POLR3F: variants seen among roughly 807,000 people sequenced by gnomAD.
POLR3F encodes the protein DNA-directed RNA polymerase III subunit RPC6.
POLR3F carries 31 observed loss-of-function variants against 43.6 expected under a neutral mutation model. The observed-to-expected ratio is 0.71, with a 90% CI of 0.53 to 0.96. The LOEUF (loss-of-function observed/expected upper bound fraction) is 0.96. Ranked by LOEUF, POLR3F falls within the 40% of genes least tolerant of loss-of-function variation. The probability of loss-of-function intolerance (pLI) is 0.00; values close to 1 mark genes in which losing one functional copy is unlikely to be tolerated. For missense variants in POLR3F, 316 were observed against 391.7 expected (o/e 0.81, Z 1.63); for synonymous variants, 114 against 132.5 (o/e 0.86, Z 0.96).
chr20:18,479,405 G>T (rs6035055), intron 5 of POLR3F, among the ~76,000 whole-genome samples: 72 of 152,238 alleles, frequency 4.7e-4, no homozygotes, highest in Admixed American at 7.2e-4. Flanking sequence ...TGAGGCAGGA[G>T]AATCACTTGA....
At chr20:18,480,329 G>A in intron 6 of POLR3F, 73 bp from the exon 7 acceptor site, 1 of 1,260,792 alleles carries the variant, frequency 7.9e-7, no homozygotes, top group East Asian at 2.4e-5. Flanking sequence ...TTGTTGGTTT[G>A]ACTCAGTATA....
At chr20:18,477,300 C>A (rs1025214890) in intron 5 of POLR3F, among the ~76,000 whole-genome samples, 1 of 152,076 alleles carries the variant, frequency 6.6e-6, no homozygotes, top group African/African-American at 2.4e-5. Context: ...ATTGGTAATA[C>A]CATATGCTGA....
rs552883916 is a variant in POLR3F at position 18,478,903 on chromosome 20, G to A, written c.430-1135G>A. Among the ~76,000 whole-genome samples the A allele has an allele frequency of 7.2e-5, 11 of 152,190 alleles. No individual in the cohort carries two copies. The East Asian group carries it at 1.9e-3, about 27-fold the overall frequency. On this transcript the variant is annotated intron_variant, in intron 5 of 8. Coordinates refer to ENST00000377603, the MANE Select transcript of POLR3F (RefSeq NM_006466.4). Reference sequence around the variant, plus strand: ...CATGCCTGTAATCCCAGCACTTTGGGAGGCCAAGGAGGGTGGATCACCTGA... The same window carrying A: ...CATGCCTGTAATCCCAGCACTTTGGAAGGCCAAGGAGGGTGGATCACCTGA...
At chr20:18,482,702 C>T (rs776688772) in intron 8 of POLR3F, among the ~76,000 whole-genome samples, 43 of 152,232 alleles carry the variant, frequency 2.8e-4, no homozygotes, top group Admixed American at 7.2e-4. Context: ...GCAAGAGACA[C>T]TGTCCCAGTC....
In POLR3F at chr20:18,483,479, A is replaced by T; in HGVS notation, c.874-2A>T. ...AATATAATTTTTTTTTCTTTTTTAA[A>T]GGTTTTTGATGACTGCCACGAAGGT... On this transcript the variant is annotated splice_acceptor_variant, in intron 8 of 8. Transcript: ENST00000377603. LOFTEE classifies it high-confidence loss of function. 7.0e-7 allele frequency: 1 copy of T among 1,424,772 alleles called. No individual in the cohort carries two copies. Among genetic ancestry groups the T allele is most frequent in the Non-Finnish European group, 9.7e-7 (1 of 1,031,784 alleles). The allele number at this position is 1,424,772 out of a possible 1,614,324, so 88.3% of individuals were successfully genotyped here.
intron 7 of POLR3F, among the ~76,000 whole-genome samples, chr20:18,481,248 T>C (rs1186770154): frequency 1.3e-5 from 2 of 152,134 alleles, no homozygotes; most frequent in South Asian, 2.1e-4. Flanking sequence ...TACTGTTTTA[T>C]TTATTTATTT....
intron 5 of POLR3F, 124 bp from the exon 6 acceptor site, chr20:18,479,914 T>C (rs2148866841): frequency 1.6e-6 from 1 of 640,270 alleles, no homozygotes; most frequent in Non-Finnish European, 2.7e-6. Context: ...ATGATGTATA[T>C]AGGAGCTCTG....
rs533668297 is a variant in POLR3F at position 18,479,170 on chromosome 20, C to T, written c.430-868C>T. ...TCAAAAAAAAAAAGAAAAGAAAATG[C>T]TCTTGACATCTTGTAGTGCTAGAAA... On this transcript the variant is annotated intron_variant, in intron 5 of 8. Coordinates refer to ENST00000377603, the MANE Select transcript of POLR3F (RefSeq NM_006466.4). 1.8e-3 allele frequency among the ~76,000 whole-genome samples: 269 copies of T among 151,406 alleles called. 2 individuals are homozygous for T. Among genetic ancestry groups the T allele is most frequent in the African/African-American group, 6.3e-3 (261 of 41,294 alleles).
chr20:18,467,710 C>G, intron 1 of POLR3F, 142 bp downstream of exon 1: 3 of 1,486,660 alleles, frequency 2.0e-6, no homozygotes, highest in Non-Finnish European at 2.7e-6. Context: ...GTTCTGGACC[C>G]ACTTGTTCCT....
At chr20:18,481,932 C>A (rs2059812526) in intron 8 of POLR3F, 122 bp downstream of exon 8, 2 of 615,264 alleles carry the variant, frequency 3.3e-6, no homozygotes. Context: ...GCTATTCAAA[C>A]CTCCATGAAA....
chr20:18,479,952 A>G (rs2059801246), intron 5 of POLR3F, 86 bp from the exon 6 acceptor site: 1 of 941,842 alleles, frequency 1.1e-6, no homozygotes, highest in Admixed American at 2.6e-5. Flanking sequence ...AATTTTGTAC[A>G]TCTTAAACTG....
At chr20:18,479,532 C>T (rs1245352837) in intron 5 of POLR3F, among the ~76,000 whole-genome samples, 2 of 152,024 alleles carry the variant, frequency 1.3e-5, no homozygotes, top group East Asian at 1.9e-4. Context: ...CACACACACA[C>T]GATGGGAGCA....
Position 18,483,698 on chromosome 20 carries a change from T to C in POLR3F, c.*140T>C. The C allele has an allele frequency of 2.4e-6, 1 of 413,516 alleles. No homozygotes were observed. Among genetic ancestry groups the C allele is most frequent in the Non-Finnish European group, 4.2e-6 (1 of 236,006 alleles). 25.6% of individuals were successfully genotyped at this position (413,516 alleles called of 1,614,324 possible). On this transcript the variant is annotated 3_prime_UTR_variant, in exon 9 of 9. Transcript: ENST00000377603. ...GTAGACTTGCTGCTATGAAAACATA[T>C]TTTTTTTATTTATGAAGACTAAATT... is the stretch of plus-strand genomic sequence containing the variant.
chr20:18,480,000 A>G, intron 5 of POLR3F, 38 bp from the exon 6 acceptor site: 2 of 1,511,370 alleles, frequency 1.3e-6, no homozygotes, highest in Non-Finnish European at 1.8e-6. Flanking sequence ...GGAAATTGTT[A>G]TCTTATAAAC....
rs1275573384 is a variant in POLR3F, at chr20:18,480,021, T to C, written c.430-17T>C. Reference sequence around the variant, plus strand: ...TGTTATCTTATAAACACATGAACTGTGCATGTTCTTTCCTAGGCCTCAAAA... The same window carrying C: ...TGTTATCTTATAAACACATGAACTGCGCATGTTCTTTCCTAGGCCTCAAAA... On this transcript the variant is annotated splice_polypyrimidine_tract_variant and intron_variant, in intron 5 of 8. Transcript: ENST00000377603. The C allele has an allele frequency of 3.2e-6, 5 of 1,583,868 alleles. No homozygotes were observed. The highest frequency in any genetic ancestry group is 3.4e-6 in the Non-Finnish European group (4 of 1,166,312).
At chr20:18,477,567 A>G (rs1369298485) in intron 5 of POLR3F, among the ~76,000 whole-genome samples, 2 of 152,248 alleles carry the variant, frequency 1.3e-5, no homozygotes, top group Non-Finnish European at 2.9e-5. Flanking sequence ...GTATCCTTCA[A>G]TAGGTGAATG....
In POLR3F at chr20:18,476,268, A is replaced by G. The variant is rs559962524; in HGVS notation, c.429+1081A>G. 2.0e-5 allele frequency among the ~76,000 whole-genome samples: 3 copies of G among 152,288 alleles called. No homozygotes were observed. In the East Asian group the frequency reaches 5.8e-4, roughly 29 times the overall value. ...TATTTGTTTCCCAGCCTCTCTTTCC[A>G]TAGGCCCTAAAAACGAATAATTTAT... On this transcript the variant is annotated intron_variant, in intron 5 of 8. Coordinates refer to ENST00000377603, the MANE Select transcript of POLR3F (RefSeq NM_006466.4).
At chr20:18,483,365 A>C in intron 8 of POLR3F, 116 bp from the exon 9 acceptor site, 1 of 548,608 alleles carries the variant, frequency 1.8e-6, no homozygotes, top group East Asian at 3.2e-5. Flanking sequence ...TCTTAAGTAC[A>C]GTCCTAGTCC....
chr20:18,482,657 A>G (rs556263606), intron 8 of POLR3F, among the ~76,000 whole-genome samples: 3 of 152,152 alleles, frequency 2.0e-5, no homozygotes, highest in African/African-American at 4.8e-5. Flanking sequence ...GTAAGTGCCA[A>G]CTCTATGCTC....
Sources: allele counts gnomAD v4.1 joint callset (sites outside exome capture counted in the v4.1 genomes callset), GRCh38; gene constraint gnomAD v4.1.1; transcripts MANE v1.5; gene names NCBI Gene and HGNC (gene_info 2026-07-23, HGNC 2026-07-21).